Variants in TENM2 observed in about 807,000 individuals in gnomAD.
TENM2 encodes teneurin-2.
TENM2 carries 52 observed loss-of-function variants against 245.2 expected under a neutral mutation model. The ratio of observed to expected loss-of-function variants is 0.21; its 90% CI spans 0.17 to 0.27. TENM2 has a LOEUF of 0.27. Among genes scored for constraint, TENM2 ranks in the 10% least tolerant of loss-of-function variants. TENM2 has a pLI of 1.00. For missense variants in TENM2, 3,046 were observed against 3,666.8 expected, an observed-to-expected ratio of 0.83 and a Z score of 4.37; for synonymous variants, 1,363 against 1,438.9, an observed-to-expected ratio of 0.95 and a Z score of 1.19.
chr5:166,980,812 G>A, the TENM2 span, among the ~76,000 whole-genome samples: 2 of 152,160 alleles, frequency 1.3e-5, no homozygotes, highest in Non-Finnish European at 2.9e-5. Flanking sequence ...ACTCTAAACT[G>A]AGATGAGGAC....
At chr5:167,052,286 A>G in the TENM2 span, among the ~76,000 whole-genome samples, 1 of 152,176 alleles carries the variant, frequency 6.6e-6, no homozygotes, top group African/African-American at 2.4e-5. Flanking sequence ...AGCTTTACTT[A>G]TTCCCTGAAC....
rs146879530 is a variant in TENM2 at position 167,506,975 on chromosome 5, C to G, written c.502+131502C>G. ...TTCATTCACATAATTACCCAACAGA[C>G]TTAAACAACTTTTCTAATGTAAAAT... On this transcript the variant is annotated intron_variant, in intron 2 of 28. Transcript: ENST00000518659. Among the ~76,000 whole-genome samples, 904 of 152,240 alleles carry G rather than the reference C, an allele frequency of 5.9e-3. 4 individuals are homozygous for G. The highest frequency in any genetic ancestry group is 0.01 in the Non-Finnish European group (697 of 68,002).
chr5:167,856,206 C>T (rs887467436), intron 2 of TENM2, among the ~76,000 whole-genome samples: 18 of 152,218 alleles, frequency 1.2e-4, no homozygotes, highest in South Asian at 6.2e-4. Flanking sequence ...CCACCATTCC[C>T]GTCTCTGCTT....
At chr5:167,590,031 GA>G (rs2127703636) in intron 2 of TENM2, among the ~76,000 whole-genome samples, 1 of 151,688 alleles carries the variant, frequency 6.6e-6, no homozygotes, top group Non-Finnish European at 1.5e-5. Context: ...TACTTTGTTT[GA>G]TTTATATTTT....
At chr5:167,864,674 G>C (rs542345473) in intron 2 of TENM2, among the ~76,000 whole-genome samples, 5 of 152,194 alleles carry the variant, frequency 3.3e-5, no homozygotes, top group African/African-American at 1.2e-4. Flanking sequence ...GTGGCATGAG[G>C]TCTAAAATCA....
chr5:168,208,788 A>G (rs1762567795), intron 19 of TENM2, among the ~76,000 whole-genome samples: 3 of 152,238 alleles, frequency 2.0e-5, no homozygotes, highest in Non-Finnish European at 2.9e-5. Context: ...TATGAAGCCT[A>G]AGACTAATAC....
At chr5:167,777,608 C>T (rs570670183) in intron 2 of TENM2, among the ~76,000 whole-genome samples, 37 of 152,160 alleles carry the variant, frequency 2.4e-4, no homozygotes, top group South Asian at 1.2e-3. Flanking sequence ...ATAGTGTCCC[C>T]GTTTGTATAA....
intron 2 of TENM2, among the ~76,000 whole-genome samples, chr5:167,532,113 C>G (rs1472293011): frequency 3.3e-5 from 5 of 152,120 alleles, no homozygotes; most frequent in African/African-American, 1.2e-4. Flanking sequence ...ATACCCTCCC[C>G]ATTTTCAGGT....
chr5:167,640,860 C>CATATATAT lies in TENM2; in HGVS notation c.503-235087_503-235080dup, dbSNP rs58985992. ...ATATATCCATATATATATATATATCCATATATATATATATATATATATATA... is the reference window on the plus strand; with the variant it reads ...ATATATCCATATATATATATATATCCATATATATATATATATATATATATATATATATA... On this transcript the variant is annotated intron_variant, in intron 2 of 28. Coordinates refer to ENST00000518659, the Ensembl canonical transcript of TENM2. Among the ~76,000 whole-genome samples, 376 of 47,200 alleles carry CATATATAT rather than the reference C, an allele frequency of 8.0e-3. 30 individuals are homozygous for CATATATAT. Among genetic ancestry groups the CATATATAT allele is most frequent in the Non-Finnish European group, 0.015 (228 of 15,486 alleles). The allele number at this position is 47,200 out of a possible 152,430, so 31.0% of individuals were successfully genotyped here. A position where few individuals can be genotyped will look rare whatever the true frequency, so the allele number is the denominator to read the frequency against.
At chr5:167,371,124 T>C (rs1482253544) in intron 1 of TENM2, among the ~76,000 whole-genome samples, 1 of 152,112 alleles carries the variant, frequency 6.6e-6, no homozygotes, top group Non-Finnish European at 1.5e-5. Flanking sequence ...GAAGAATATT[T>C]GGGAAAACTG....
At chr5:168,077,884 T>A (rs10076072) in intron 7 of TENM2, among the ~76,000 whole-genome samples, 118,143 of 152,082 alleles carry the variant, frequency 0.78, 46,399 homozygotes, top group African/African-American at 0.83. Context: ...GCTGCAGTAG[T>A]CATACATGTG....
At chr5:167,679,840 G>T (rs1756581485) in intron 2 of TENM2, among the ~76,000 whole-genome samples, 1 of 152,180 alleles carries the variant, frequency 6.6e-6, no homozygotes, top group Admixed American at 6.5e-5. Flanking sequence ...ACCTGGAATA[G>T]GCTGGGAGCT....
chr5:167,445,337 A>ATATAGG (rs1491215308), intron 2 of TENM2, among the ~76,000 whole-genome samples: 1 of 76,624 alleles, frequency 1.3e-5, no homozygotes, highest in African/African-American at 5.2e-5. Context: ...ATATATATAT[A>ATATAGG]GAGAGAGAGA....
rs1188753731 is a variant in TENM2 at position 167,819,073 on chromosome 5, T to C, written c.503-56913T>C. Among the ~76,000 whole-genome samples, 70 of 152,102 alleles carry C rather than the reference T, an allele frequency of 4.6e-4. 1 individual carries two copies. The highest frequency in any genetic ancestry group is 2.9e-4 in the Non-Finnish European group (20 of 68,022). ...TGGTGTGTGACTGTGTGTGTGTGTG[T>C]GTGTGTGTGTGCGTGCGCGTTCTCT... On this transcript the variant is annotated intron_variant, in intron 2 of 28. Coordinates refer to ENST00000518659, the Ensembl canonical transcript of TENM2.
intron 1 of TENM2, among the ~76,000 whole-genome samples, chr5:167,350,801 A>G (rs996142409): frequency 7.1e-6 from 1 of 140,268 alleles, no homozygotes; most frequent in Non-Finnish European, 1.5e-5. Flanking sequence ...GGATATATAT[A>G]TGGGATATAT....
chr5:168,210,977 A>G (rs944874996), intron 19 of TENM2, among the ~76,000 whole-genome samples: 17 of 152,366 alleles, frequency 1.1e-4, no homozygotes, highest in African/African-American at 3.6e-4. Flanking sequence ...CTCTGATAAG[A>G]AATGATAACT....
At chr5:167,461,616 G>A (rs1022856952) in intron 2 of TENM2, among the ~76,000 whole-genome samples, 4 of 152,090 alleles carry the variant, frequency 2.6e-5, no homozygotes, top group African/African-American at 9.7e-5. Context: ...CTACATAGAT[G>A]GACACTCAGT....
the TENM2 span, among the ~76,000 whole-genome samples, chr5:167,205,665 A>G: frequency 6.6e-6 from 1 of 152,180 alleles, no homozygotes; most frequent in Non-Finnish European, 1.5e-5. Context: ...AACAGACAAC[A>G]ACGTCTACTG....
At chr5:167,859,378 TGGG>T (rs1297203903) in intron 2 of TENM2, among the ~76,000 whole-genome samples, 2 of 91,188 alleles carry the variant, frequency 2.2e-5, no homozygotes, top group Non-Finnish European at 2.4e-5. Context: ...GGGAGGGAGG[TGGG>T]GGGGGTCAGC....
Sources: allele counts gnomAD v4.1 joint callset (sites outside exome capture counted in the v4.1 genomes callset), GRCh38; gene constraint gnomAD v4.1.1; transcripts MANE v1.5; gene names NCBI Gene and HGNC (gene_info 2026-07-23, HGNC 2026-07-21).